The following PCDHGA3 variants were observed in gnomAD, a reference collection of about 807,000 sequenced individuals.
PCDHGA3 encodes protocadherin gamma subfamily A, 3, also known as protocadherin gamma-A3.
Under a neutral mutation model 58.5 loss-of-function variants are expected in PCDHGA3, and 40 were observed. That is an observed-to-expected ratio of 0.68 (90% CI 0.53 to 0.89). The LOEUF (loss-of-function observed/expected upper bound fraction) is 0.89, where lower values mean the gene tolerates loss of function less well. Among genes scored for constraint, PCDHGA3 ranks in the 40% least tolerant of loss-of-function variants. The pLI, the probability that PCDHGA3 is intolerant of heterozygous loss-of-function variation, is 0.00. For synonymous variants in PCDHGA3, 530 were observed against 525.7 expected (o/e 1.01, Z -0.11); for missense variants, 1,223 against 1,195.9 (o/e 1.02, Z -0.33).
intron 1 of PCDHGA3, chr5:141,433,047 C>G: frequency 1.9e-6 from 3 of 1,614,164 alleles, no homozygotes; most frequent in Non-Finnish European, 2.5e-6. Context: ...ACCACGGACT[C>G]GCGGAAGAGT....
At chr5:141,478,963 A>G (rs193236728) in intron 1 of PCDHGA3, among the ~76,000 whole-genome samples, 5 of 152,322 alleles carry the variant, frequency 3.3e-5, no homozygotes, top group East Asian at 1.9e-4. Context: ...TCATTCCTCC[A>G]CCTTTCAAGT....
chr5:141,378,734 A>C (rs1388674316), intron 1 of PCDHGA3: 1 of 152,216 alleles, frequency 6.6e-6, no homozygotes, highest in Non-Finnish European at 1.5e-5. Flanking sequence ...CTTTATTGAA[A>C]TATTTCAAGA....
intron 1 of PCDHGA3, among the ~76,000 whole-genome samples, chr5:141,492,103 T>G (rs1458656062): frequency 6.6e-6 from 1 of 152,134 alleles, no homozygotes; most frequent in Non-Finnish European, 1.5e-5. Flanking sequence ...GTCTGTAGAT[T>G]TCCTCTTCGA....
Position 141,487,229 on chromosome 5 carries a change from G to A in PCDHGA3, c.2425-7578G>A. On this transcript the variant is annotated intron_variant, in intron 1 of 3. Coordinates refer to ENST00000253812, the MANE Select transcript of PCDHGA3 (RefSeq NM_018916.4). The surrounding 1 kb of genome is among the most constrained non-coding windows in gnomAD (Gnocchi z 5.0). ...AGAATCTTCAGCTCCAAGGGAAGGA[G>A]AATCTCGTCTAACCCTCTACTTGGC... is the stretch of plus-strand genomic sequence containing the variant. The A allele has an allele frequency of 6.2e-7, 1 of 1,614,138 alleles. No individual in the cohort carries two copies. The highest frequency in any genetic ancestry group is 8.5e-7 in the Non-Finnish European group (1 of 1,179,994).
At chr5:141,507,807 A>AACGG (rs1465406594) in intron 3 of PCDHGA3, among the ~76,000 whole-genome samples, 2 of 152,152 alleles carry the variant, frequency 1.3e-5, no homozygotes, top group East Asian at 3.9e-4. Flanking sequence ...CGCCCTGGGG[A>AACGG]ACGGACCCTG....
At position 141,405,272 on chromosome 5, in the gene PCDHGA3, A is replaced by G. The variant is rs551265067; in HGVS notation, c.2424+58815A>G. The G allele has an allele frequency of 9.3e-6, 15 of 1,614,170 alleles. No individual in the cohort carries two copies. In the South Asian group the frequency reaches 1.6e-4, roughly 18 times the overall value. On this transcript the variant is annotated intron_variant, in intron 1 of 3. Transcript: ENST00000253812. ...GAGTCACCTGATCTTCCCCCAGCCC[A>G]ACTATGCAGACACACTCATCAGCCA...
intron 1 of PCDHGA3, chr5:141,390,457 G>T: frequency 1.3e-6 from 1 of 767,062 alleles, no homozygotes; most frequent in South Asian, 1.9e-5. Flanking sequence ...GAGTAAAGTA[G>T]GAGCAATTGT....
intron 1 of PCDHGA3, among the ~76,000 whole-genome samples, chr5:141,425,585 A>G (rs1270579511): frequency 6.6e-6 from 1 of 152,252 alleles, no homozygotes; most frequent in African/African-American, 2.4e-5. Flanking sequence ...GGCTAACTTT[A>G]TTCTGAATAT....
intron 1 of PCDHGA3, chr5:141,392,779 T>A: frequency 6.5e-7 from 1 of 1,534,720 alleles, no homozygotes; most frequent in Non-Finnish European, 8.8e-7. Flanking sequence ...TTATGCACAG[T>A]GAAGATTCTG....
chr5:141,432,378 C>A lies in PCDHGA3; in HGVS notation c.2425-62429C>A. On this transcript the variant is annotated intron_variant, in intron 1 of 3. Coordinates refer to ENST00000253812, the MANE Select transcript of PCDHGA3 (RefSeq NM_018916.4). This position sits in a 1 kb window ranked among gnomAD's most constrained non-coding sequence, Gnocchi z 6.0. ...GTGATGGCGCGGGACAACGGGCACC[C>A]GCCCCTCAGCAGCAACGTGTCGTTG... 6.2e-7 allele frequency: 1 copy of A among 1,614,234 alleles called. No individual in the cohort carries two copies. Among genetic ancestry groups the A allele is most frequent in the South Asian group, 1.1e-5 (1 of 91,082 alleles).
rs199625514 is a variant in PCDHGA3 at position 141,485,144 on chromosome 5, G to C, written c.2425-9663G>C. The C allele has an allele frequency of 6.4e-7, 1 of 1,564,190 alleles. No homozygotes were observed. Among genetic ancestry groups the C allele is most frequent in the African/African-American group, 1.4e-5 (1 of 74,034 alleles). ...CGGGTCGGCTTCATCCGCGTCTCAG[G>C]AGCAAGTAGAGAATTAGCGGGCGGC... On this transcript the variant is annotated intron_variant, in intron 1 of 3. Coordinates refer to ENST00000253812, the MANE Select transcript of PCDHGA3 (RefSeq NM_018916.4). The surrounding 1 kb of genome is among the most constrained non-coding windows in gnomAD (Gnocchi z 5.7).
chr5:141,490,796 A>G lies in PCDHGA3; in HGVS notation c.2425-4011A>G. ...CCAGAGGATGGACGGATCTTTGCCC[A>G]GCGTACCTTTGACTATGAATTGCTG... On this transcript the variant is annotated intron_variant, in intron 1 of 3. Coordinates refer to ENST00000253812, the MANE Select transcript of PCDHGA3 (RefSeq NM_018916.4). The surrounding 1 kb of genome is among the most constrained non-coding windows in gnomAD (Gnocchi z 5.4). The G allele has an allele frequency of 6.2e-7, 1 of 1,613,978 alleles. No individual in the cohort carries two copies. The highest frequency in any genetic ancestry group is 8.5e-7 in the Non-Finnish European group (1 of 1,179,904).
At chr5:141,441,308 C>T (rs984341964) in intron 1 of PCDHGA3, 2 of 152,164 alleles carry the variant, frequency 1.3e-5, no homozygotes, top group African/African-American at 2.4e-5. Flanking sequence ...TAAGAAAATG[C>T]ACCTTGAGAA....
At chr5:141,408,579 T>G in intron 1 of PCDHGA3, 1 of 1,614,026 alleles carries the variant, frequency 6.2e-7, no homozygotes, top group Non-Finnish European at 8.5e-7. Flanking sequence ...ATTGAGGATG[T>G]TAATGACCAC....
rs1439786491 is a variant in PCDHGA3 at position 141,399,634 on chromosome 5, A to G, written c.2424+53177A>G. 9 of 1,613,742 alleles carry G rather than the reference A, an allele frequency of 5.6e-6. No individual in the cohort carries two copies. The highest frequency in any genetic ancestry group is 1.3e-5 in the African/African-American group (1 of 74,954). On this transcript the variant is annotated intron_variant, in intron 1 of 3. Transcript: ENST00000253812. ...TCTGGCACTGGCCTCTTACGTGTCC[A>G]TGAGCGCGCAAAGTGGGGTGGTGTT...
intron 1 of PCDHGA3, among the ~76,000 whole-genome samples, chr5:141,459,664 T>A (rs766213146): frequency 1.3e-5 from 2 of 152,262 alleles, no homozygotes; most frequent in Non-Finnish European, 2.9e-5. Flanking sequence ...TCACTTTACA[T>A]TTTCATGAGC....
At chr5:141,484,359 T>A (rs1218120598) in intron 1 of PCDHGA3, among the ~76,000 whole-genome samples, 1 of 152,222 alleles carries the variant, frequency 6.6e-6, no homozygotes, top group Non-Finnish European at 1.5e-5. Context: ...GTGTATCTAG[T>A]GTATCACTAG....
chr5:141,389,152 C>T (rs1176301501), intron 1 of PCDHGA3: 2 of 1,614,022 alleles, frequency 1.2e-6, no homozygotes, highest in South Asian at 2.2e-5. Flanking sequence ...GTTACGGCAA[C>T]AGATCGGGGC....
At chr5:141,375,221 G>C (rs1299495432) in intron 1 of PCDHGA3, 31 of 1,613,820 alleles carry the variant, frequency 1.9e-5, no homozygotes, top group Non-Finnish European at 2.6e-5. Context: ...TGGCCTGAAT[G>C]GCCTGGTAAC....
Sources: allele counts gnomAD v4.1 joint callset (sites outside exome capture counted in the v4.1 genomes callset), GRCh38; gene constraint gnomAD v4.1.1; non-coding constraint Gnocchi (gnomAD v3.1); transcripts MANE v1.5; gene names NCBI Gene and HGNC (gene_info 2026-07-23, HGNC 2026-07-21).